NUP210: variants seen among roughly 807,000 people sequenced by gnomAD.
NUP210 encodes nuclear pore membrane glycoprotein 210.
In NUP210, 151 loss-of-function variants were observed where a neutral mutation model predicts 196.0. The ratio of observed to expected loss-of-function variants is 0.77; its 90% CI spans 0.67 to 0.88. NUP210 has a LOEUF of 0.88. NUP210 is among the 40% of genes least tolerant of loss of function. The probability of loss-of-function intolerance (pLI) is 0.00; values close to 1 mark genes in which losing one functional copy is unlikely to be tolerated. For synonymous variants in NUP210, 1,070 were observed against 1,052.7 expected (o/e 1.02, Z -0.32); for missense variants, 2,314 against 2,493.7 (o/e 0.93, Z 1.53).
Position 13,316,953 on chromosome 3 carries a change from G to A in NUP210, c.*728C>T, listed in dbSNP as rs1224224155. The stretch of plus-strand genomic sequence containing the variant: ...ATCACACGTGGGATGTCCCAGCAGG[G>A]CCTAAGCCAAGTCCATCAGATGTCT... On this transcript the variant is annotated 3_prime_UTR_variant, in exon 40 of 40. Transcript: ENST00000254508. 1 of 152,476 alleles carries A rather than the reference G, an allele frequency of 6.6e-6. No individual in the cohort carries two copies. Among genetic ancestry groups the A allele is most frequent in the African/African-American group, 2.4e-5 (1 of 41,462 alleles). 9.4% of individuals were successfully genotyped at this position (152,476 alleles called of 1,614,324 possible).
chr3:13,338,428 A>C (rs992172464), intron 25 of NUP210, among the ~76,000 whole-genome samples: 2 of 152,168 alleles, frequency 1.3e-5, no homozygotes, highest in South Asian at 4.1e-4. Flanking sequence ...GCTTCTTCCT[A>C]GTGCTGCTGA....
In NUP210 at chr3:13,319,129, C is replaced by T; in HGVS notation, c.5506G>A (p.Asp1836Asn). 1 of 1,609,870 alleles carries T rather than the reference C, an allele frequency of 6.2e-7. No individual in the cohort carries two copies. Among genetic ancestry groups the T allele is most frequent in the East Asian group, 2.2e-5 (1 of 44,752 alleles). ...IAYHTVCTPRDLAVPAALTPR... is the reference protein window; with the variant it reads ...IAYHTVCTPRNLAVPAALTPR... ...GTGAGGGCTGCAGGCACAGCAAGAT[C>T]CCGGGGCGTGCAGACAGTGTGGTAG... Residue 1836 changes from aspartate (D) to asparagine (N), a missense_variant, in exon 39 of 40, where the codon GAT becomes AAT. By Grantham distance (23) the Asp-to-Asn change is conservative. Transcript: ENST00000254508.
intron 2 of NUP210, among the ~76,000 whole-genome samples, chr3:13,398,913 G>A (rs1355094575): frequency 5.3e-5 from 8 of 152,130 alleles, no homozygotes; most frequent in Admixed American, 1.3e-4. Context: ...CAGCCTGGGT[G>A]ACAGAGTAAG....
At chr3:13,327,143 T>C (rs985147599) in intron 32 of NUP210, 74 bp downstream of exon 32, 9 of 1,244,850 alleles carry the variant, frequency 7.2e-6, no homozygotes, top group Non-Finnish European at 1.0e-5. Flanking sequence ...GCCGAGCCCC[T>C]GCCCAGGTAG....
At chr3:13,335,714 C>T in intron 27 of NUP210, 102 bp from the exon 28 acceptor site, 1 of 1,316,298 alleles carries the variant, frequency 7.6e-7, no homozygotes, top group South Asian at 1.4e-5. Context: ...GCCCCCCAGT[C>T]CTGGTAGCTG....
chr3:13,399,757 C>T lies in NUP210; in HGVS notation c.272G>A (p.Arg91His), dbSNP rs755992121. 43 of 1,614,004 alleles carry T rather than the reference C, an allele frequency of 2.7e-5. No homozygotes were observed. Among genetic ancestry groups the T allele is most frequent in the Non-Finnish European group, 3.3e-5 (39 of 1,180,018 alleles). ...VVQARLTQPA[R>H]LTSIIFAEDI... The stretch of plus-strand genomic sequence containing the variant: ...CTCTGCGAAGATGATGCTGGTGAGG[C>T]GGGCAGGCTGGGTCAGGCGGGCCTG... Residue 91 changes from arginine (R) to histidine (H), a missense_variant, in exon 2 of 40, where the codon CGC becomes CAC. Physicochemically the swap from Arg to His is conservative, Grantham distance 29. Transcript: ENST00000254508.
chr3:13,404,069 T>C (rs1699925618), intron 1 of NUP210, among the ~76,000 whole-genome samples: 1 of 152,242 alleles, frequency 6.6e-6, no homozygotes, highest in African/African-American at 2.4e-5. Context: ...CTGGTTTTCC[T>C]GTGACCAGTG....
chr3:13,321,611 C>A lies in NUP210; in HGVS notation c.5140G>T (p.Ala1714Ser). Residue 1714 changes from alanine (A) to serine (S), a missense_variant, in exon 36 of 40, where the codon GCC becomes TCC. Physicochemically the swap from Ala to Ser is moderately conservative, Grantham distance 99. Transcript: ENST00000254508. ...YTSSEIRVFG[A>S]PEVLENLEVK... Reference sequence around the variant, plus strand: ...TCCAAGTTCTCCAGAACCTCCGGGGCACCAAAGACCCTGATCTCGGAACTG... The same window carrying A: ...TCCAAGTTCTCCAGAACCTCCGGGGAACCAAAGACCCTGATCTCGGAACTG... The A allele has an allele frequency of 6.2e-7, 1 of 1,614,018 alleles. No homozygotes were observed.
At chr3:13,333,302 G>T (rs1697075210) in intron 28 of NUP210, among the ~76,000 whole-genome samples, 1 of 152,248 alleles carries the variant, frequency 6.6e-6, no homozygotes, top group Non-Finnish European at 1.5e-5. Flanking sequence ...GCCCCTCAGG[G>T]CTGCTGCCTC....
At chr3:13,419,993 C>A in intron 1 of NUP210, 67 bp downstream of exon 1, 1 of 1,055,364 alleles carries the variant, frequency 9.5e-7, no homozygotes, top group Non-Finnish European at 1.2e-6. Context: ...CCGGCGCCCG[C>A]CCAGCCTCTC....
intron 1 of NUP210, among the ~76,000 whole-genome samples, chr3:13,405,596 T>C (rs181954372): frequency 2.4e-4 from 36 of 152,314 alleles, no homozygotes; most frequent in Admixed American, 1.3e-3. Context: ...CTATTGGTTC[T>C]GTTTCTTCAG....
At chr3:13,357,797 G>A (rs1051359435) in intron 16 of NUP210, among the ~76,000 whole-genome samples, 2 of 152,130 alleles carry the variant, frequency 1.3e-5, no homozygotes, top group Non-Finnish European at 2.9e-5. Flanking sequence ...CCCACATCAT[G>A]GGGATGCTGT....
chr3:13,347,312 A>T lies in NUP210; in HGVS notation c.2836-4009T>A, dbSNP rs543890384. The T allele has an allele frequency of 2.3e-5, 23 of 985,342 alleles. No individual in the cohort carries two copies. Among genetic ancestry groups the T allele is most frequent in the Non-Finnish European group, 2.7e-5 (22 of 829,946 alleles). The allele number at this position is 985,342 out of a possible 1,614,324, so 61.0% of individuals were successfully genotyped here. On this transcript the variant is annotated intron_variant, in intron 20 of 39. Transcript: ENST00000254508. This position sits in a 1 kb window ranked among gnomAD's most constrained non-coding sequence, Gnocchi z 4.7. Reference sequence around the variant, plus strand: ...GTGCACGAGTTAATGGGAAATGTAAAGTGCCCAGCAGGCTCCTTCCCCTGC... The same window carrying T: ...GTGCACGAGTTAATGGGAAATGTAATGTGCCCAGCAGGCTCCTTCCCCTGC...
In NUP210 at chr3:13,340,334, C is replaced by T; in HGVS notation, c.3229-36G>A. Reference sequence around the variant, plus strand: ...ACACAGGAGAGAAAGGACTACTGTGCCCCAAGCCCATGGCGCCAAGCATAA... The same window carrying T: ...ACACAGGAGAGAAAGGACTACTGTGTCCCAAGCCCATGGCGCCAAGCATAA... On this transcript the variant is annotated intron_variant, in intron 23 of 39. Transcript: ENST00000254508. This position sits in a 1 kb window ranked among gnomAD's most constrained non-coding sequence, Gnocchi z 4.0. The T allele has an allele frequency of 1.9e-6, 3 of 1,584,166 alleles. No individual in the cohort carries two copies. The highest frequency in any genetic ancestry group is 1.7e-5 in the Admixed American group (1 of 59,928).
At chr3:13,326,511 T>A (rs544553995) in intron 32 of NUP210, among the ~76,000 whole-genome samples, 14 of 150,922 alleles carry the variant, frequency 9.3e-5, no homozygotes, top group Non-Finnish European at 1.8e-4. Context: ...TAGTATTTCA[T>A]CTCCTTTTAA....
chr3:13,319,288 G>C lies in NUP210; in HGVS notation c.5421C>G (p.Tyr1807Ter), dbSNP rs766874841. The change falls in exon 38 of 40, where the codon TAC becomes TAG. Residue 1807 changes from tyrosine to a stop codon, truncating the protein, a stop_gained. Transcript: ENST00000254508. LOFTEE classifies it high-confidence loss of function. ...ASLFQHFLDSYQVMFFTLFAL... is the reference protein window; with the variant it reads ...ASLFQHFLDS ...CGAAGAGCGTGAAGAACATGACCTG[G>C]TAGGAATCCAGGAAGTGCTGGAAGA... is the stretch of plus-strand genomic sequence containing the variant. The C allele has an allele frequency of 6.8e-6, 11 of 1,612,922 alleles. No individual in the cohort carries two copies. In the South Asian group the frequency reaches 1.2e-4, roughly 18 times the overall value.
rs796481719 is a variant in NUP210 at position 13,347,390 on chromosome 3, C to T, written c.2836-4087G>A. The T allele has an allele frequency of 2.6e-5, 25 of 948,026 alleles. No homozygotes were observed. The African/African-American group carries it at 4.2e-4, about 16-fold the overall frequency. The allele number at this position is 948,026 out of a possible 1,614,324, so 58.7% of individuals were successfully genotyped here. ...AGGACTTGATTGAAATGTAAAGAAT[C>T]GTTGAAAAGAAGGAAAACTTAGGCT... On this transcript the variant is annotated intron_variant, in intron 20 of 39. Transcript: ENST00000254508. The surrounding 1 kb of genome is among the most constrained non-coding windows in gnomAD (Gnocchi z 4.7).
intron 28 of NUP210, among the ~76,000 whole-genome samples, chr3:13,332,662 G>A (rs1418911973): frequency 1.3e-5 from 2 of 152,172 alleles, no homozygotes; most frequent in African/African-American, 4.8e-5. Flanking sequence ...TGCAACTGTA[G>A]TCCCAGCTAC....
At chr3:13,388,273 C>A in intron 5 of NUP210, 30 bp downstream of exon 5, 1 of 1,558,196 alleles carries the variant, frequency 6.4e-7, no homozygotes, top group Non-Finnish European at 8.7e-7. Flanking sequence ...CCCCAGGAAG[C>A]CCACTGACAC....
Sources: gnomAD v4.1 joint callset for allele counts (sites outside exome capture counted in the v4.1 genomes callset) on GRCh38, gnomAD v4.1.1 for gene constraint, Gnocchi (gnomAD v3.1) non-coding constraint, MANE v1.5 for transcripts, NCBI Gene and HGNC (gene_info 2026-07-23, HGNC 2026-07-21) for gene names.